PTPRD: variants seen among roughly 807,000 people sequenced by gnomAD.
PTPRD encodes protein tyrosine phosphatase receptor type D, also known as receptor-type tyrosine-protein phosphatase delta.
Under a neutral mutation model 214.5 loss-of-function variants are expected in PTPRD, and 34 were observed. The observed-to-expected ratio is 0.16, with a 90% confidence interval of 0.12 to 0.21. The LOEUF (loss-of-function observed/expected upper bound fraction) is 0.21. Among genes scored for constraint, PTPRD ranks in the 10% least tolerant of loss-of-function variants. The pLI is 1.00. For synonymous variants in PTPRD, 1,128 were observed against 845.7 expected (o/e 1.33, Z -5.79); for missense variants, 2,545 against 2,398.7 (o/e 1.06, Z -1.27).
At chr9:9,563,132 C>A (rs187924312) in intron 8 of PTPRD, among the ~76,000 whole-genome samples, 16 of 152,182 alleles carry the variant, frequency 1.1e-4, no homozygotes, top group African/African-American at 3.9e-4. Flanking sequence ...CAGTCTGACC[C>A]TTCTCTTTGG....
intron 7 of PTPRD, among the ~76,000 whole-genome samples, chr9:9,593,819 C>G (rs1473658437): frequency 6.6e-6 from 1 of 152,096 alleles, no homozygotes; most frequent in South Asian, 2.1e-4. Context: ...AAGAAATCAT[C>G]CCTTCTTCAA....
chr9:10,147,745 C>A (rs939661559), intron 3 of PTPRD, among the ~76,000 whole-genome samples: 1 of 151,990 alleles, frequency 6.6e-6, no homozygotes, highest in African/African-American at 2.4e-5. Context: ...CCAGGCATTG[C>A]GGCAGGCTCC....
chr9:9,347,163 T>C (rs2049164432), intron 9 of PTPRD, among the ~76,000 whole-genome samples: 1 of 152,176 alleles, frequency 6.6e-6, no homozygotes, highest in South Asian at 2.1e-4. Flanking sequence ...AGTGAGGCTC[T>C]GTTTGAAACA....
chr9:10,081,870 G>A (rs1314132804), intron 3 of PTPRD, among the ~76,000 whole-genome samples: 1 of 151,902 alleles, frequency 6.6e-6, no homozygotes, highest in Non-Finnish European at 1.5e-5. Flanking sequence ...TTTGATTACG[G>A]TATGATGCAG....
intron 10 of PTPRD, among the ~76,000 whole-genome samples, chr9:9,084,614 C>G (rs2154426349): frequency 6.6e-6 from 1 of 152,212 alleles, no homozygotes; most frequent in South Asian, 2.1e-4. Context: ...ATTTAAAGGA[C>G]TGTAAATGAA....
At chr9:9,229,071 T>C (rs1490653191) in intron 9 of PTPRD, among the ~76,000 whole-genome samples, 1 of 152,134 alleles carries the variant, frequency 6.6e-6, no homozygotes, top group Non-Finnish European at 1.5e-5. Context: ...AGTTTGTATG[T>C]GTTGACCTTT....
intron 2 of PTPRD, among the ~76,000 whole-genome samples, chr9:10,449,385 G>C (rs1347522464): frequency 6.6e-6 from 1 of 151,814 alleles, no homozygotes. Flanking sequence ...ATCTCCGCTC[G>C]CTACAACCTC....
chr9:8,637,142 G>C (rs1192603520), intron 12 of PTPRD, among the ~76,000 whole-genome samples: 1 of 152,086 alleles, frequency 6.6e-6, no homozygotes, highest in Non-Finnish European at 1.5e-5. Context: ...TTTATTACCA[G>C]TATATAAAAA....
intron 7 of PTPRD, among the ~76,000 whole-genome samples, chr9:9,601,095 G>A (rs927604598): frequency 3.7e-5 from 5 of 135,308 alleles, no homozygotes; most frequent in Non-Finnish European, 6.2e-5. Flanking sequence ...AATACACTGG[G>A]AAAAGAGATT....
chr9:8,620,739 A>T (rs2095796243), intron 14 of PTPRD, among the ~76,000 whole-genome samples: 1 of 151,972 alleles, frequency 6.6e-6, no homozygotes, highest in Admixed American at 6.6e-5. Context: ...TAGTACCAAG[A>T]TGTTCTCCAT....
At chr9:9,487,283 T>G (rs147957137) in intron 8 of PTPRD, among the ~76,000 whole-genome samples, 2,146 of 152,010 alleles carry the variant, frequency 0.014, 44 homozygotes, top group African/African-American at 0.048. Context: ...ATTGTTCAAT[T>G]CCCACCTATG....
rs2130431649 is a variant in PTPRD, at chr9:8,317,798, TG to T, written c.*75del. ...TAGAAGTTAAGAAGGACTTCTCAAG[TG>T]CCCTGTATGGCTCAGAAGAGACTCC... is the stretch of plus-strand genomic sequence containing the variant. On this transcript the variant is annotated 3_prime_UTR_variant, in exon 46 of 46. Transcript: ENST00000381196. The T allele has an allele frequency of 7.6e-7, 1 of 1,317,306 alleles. No individual in the cohort carries two copies. The highest frequency in any genetic ancestry group is 1.1e-6 in the Non-Finnish European group (1 of 921,030). The allele number at this position is 1,317,306 out of a possible 1,614,324, so 81.6% of individuals were successfully genotyped here.
chr9:8,786,399 GTTC>G (rs1160442682), intron 11 of PTPRD, among the ~76,000 whole-genome samples: 20 of 131,406 alleles, frequency 1.5e-4, no homozygotes, highest in African/African-American at 5.7e-4. Context: ...AAAGTTTGGA[GTTC>G]TTTTTTTTTT....
intron 3 of PTPRD, among the ~76,000 whole-genome samples, chr9:10,075,149 A>G (rs2098112789): frequency 6.6e-6 from 1 of 152,144 alleles, no homozygotes; most frequent in African/African-American, 2.4e-5. Flanking sequence ...CGAATAAAAT[A>G]CAGTGAAATA....
chr9:9,693,239 CT>C (rs1564581428), intron 7 of PTPRD, among the ~76,000 whole-genome samples: 1 of 152,032 alleles, frequency 6.6e-6, no homozygotes, highest in Non-Finnish European at 1.5e-5. Flanking sequence ...TAAATCTCAT[CT>C]TGAATTGTAA....
intron 5 of PTPRD, among the ~76,000 whole-genome samples, chr9:9,900,641 G>GTTTTTTTTTTTGTTTTTTTTTTTT (rs367877727): frequency 5.0e-5 from 6 of 120,106 alleles, no homozygotes; most frequent in African/African-American, 1.6e-4. Flanking sequence ...ACATTTTCAG[G>GTTTTTTTTTTTGTTTTTTTTTTTT]TTTTTTTTTT....
Position 9,832,928 on chromosome 9 carries a change from T to G in PTPRD, c.-367-66077A>C, listed in dbSNP as rs576521384. ...TTCCCATATGAGAGAGGAAAAAAAG[T>G]CCTTATTGTTTTAGAAATTTTAAGT... On this transcript the variant is annotated intron_variant, in intron 5 of 45. Coordinates refer to ENST00000381196, the MANE Select transcript of PTPRD (RefSeq NM_002839.4). Among the ~76,000 whole-genome samples, 12 of 151,762 alleles carry G rather than the reference T, an allele frequency of 7.9e-5. No homozygotes were observed. The East Asian group carries it at 2.3e-3, about 29-fold the overall frequency.
At chr9:8,920,938 T>G (rs1315243606) in intron 11 of PTPRD, among the ~76,000 whole-genome samples, 1 of 152,114 alleles carries the variant, frequency 6.6e-6, no homozygotes, top group Non-Finnish European at 1.5e-5. Context: ...CTCAGCCTCC[T>G]GCGTAGCTGG....
intron 3 of PTPRD, among the ~76,000 whole-genome samples, chr9:10,073,221 G>A (rs2098065305): frequency 6.6e-6 from 1 of 152,138 alleles, no homozygotes; most frequent in African/African-American, 2.4e-5. Flanking sequence ...ATATAGTTGT[G>A]GGATACCAGG....
Sources: allele counts gnomAD v4.1 joint callset (sites outside exome capture counted in the v4.1 genomes callset), GRCh38; gene constraint gnomAD v4.1.1; transcripts MANE v1.5; gene names NCBI Gene and HGNC (gene_info 2026-07-23, HGNC 2026-07-21).